GRM1: variants seen among roughly 807,000 people sequenced by gnomAD.
GRM1 encodes the protein glutamate metabotropic receptor 1, also known as metabotropic glutamate receptor 1.
GRM1 carries 33 observed loss-of-function variants against 90.9 expected under a neutral mutation model. That is an observed-to-expected ratio of 0.36 (90% CI 0.28 to 0.49). GRM1 has a LOEUF of 0.49. GRM1 is among the 20% of genes least tolerant of loss of function. GRM1 has a pLI of 0.99. For missense variants in GRM1, 1,190 were observed against 1,534.3 expected, an observed-to-expected ratio of 0.78 and a Z score of 3.75; for synonymous variants, 700 against 613.2, an observed-to-expected ratio of 1.14 and a Z score of -2.09.
chr6:146,094,343 C>G (rs1356843950), intron 1 of GRM1, among the ~76,000 whole-genome samples: 9 of 151,996 alleles, frequency 5.9e-5, no homozygotes, highest in Admixed American at 5.9e-4. Context: ...ACCAGTAGTC[C>G]TGGTCAGGGG....
intron 2 of GRM1, among the ~76,000 whole-genome samples, chr6:146,196,793 C>T (rs1457972158): frequency 6.6e-6 from 1 of 151,978 alleles, no homozygotes; most frequent in Non-Finnish European, 1.5e-5. Context: ...TGTTTAAGAG[C>T]CAGTGGTTTC....
chr6:146,154,048 T>C (rs1329393862), intron 1 of GRM1, among the ~76,000 whole-genome samples: 1 of 152,222 alleles, frequency 6.6e-6, no homozygotes. Context: ...TCCTTGTCTA[T>C]AAGCTGATCT....
At chr6:146,267,548 A>G (rs1781938346) in intron 2 of GRM1, among the ~76,000 whole-genome samples, 1 of 151,820 alleles carries the variant, frequency 6.6e-6, no homozygotes. Context: ...CTGAGTCCCA[A>G]AACTGAAGAA....
In GRM1 at chr6:146,159,812, G is replaced by A. The variant is rs528800868; in HGVS notation, c.950+215G>A. On this transcript the variant is annotated intron_variant, in intron 2 of 7. Coordinates refer to ENST00000282753, the MANE Select transcript of GRM1 (RefSeq NM_001278064.2). Reference sequence around the variant, plus strand: ...TTCCTGCTAAACAACAGCAGAACAAGGCTCAGGAGGGAGGATTGGTTAAGC... The same window carrying A: ...TTCCTGCTAAACAACAGCAGAACAAAGCTCAGGAGGGAGGATTGGTTAAGC... The A allele has an allele frequency of 2.6e-5, 14 of 534,340 alleles. No homozygotes were observed. The East Asian group carries it at 4.7e-4, about 18-fold the overall frequency. 33.1% of individuals were successfully genotyped at this position (534,340 alleles called of 1,614,324 possible). A position where few individuals can be genotyped will look rare whatever the true frequency, so the allele number is the denominator to read the frequency against.
chr6:146,349,952 A>G (rs1183450887), intron 3 of GRM1, among the ~76,000 whole-genome samples: 2 of 152,198 alleles, frequency 1.3e-5, no homozygotes, highest in Admixed American at 1.3e-4. Context: ...AAGGCACCTG[A>G]CTTAAGAGAG....
At chr6:146,351,221 A>G (rs971032413) in intron 3 of GRM1, among the ~76,000 whole-genome samples, 1 of 152,146 alleles carries the variant, frequency 6.6e-6, no homozygotes, top group Non-Finnish European at 1.5e-5. Context: ...TCAACCCCAT[A>G]TGCAGCTAAA....
At chr6:146,343,658 T>TTTATTATTATTATTATTATTATTATTA (rs58070198) in intron 3 of GRM1, among the ~76,000 whole-genome samples, 7 of 148,396 alleles carry the variant, frequency 4.7e-5, no homozygotes, top group African/African-American at 1.8e-4. Context: ...GTTGTTTTTA[T>TTTATTATTATTATTATTATTATTATTA]TTATTATTAT....
At chr6:146,323,905 T>A (rs531672878) in intron 3 of GRM1, among the ~76,000 whole-genome samples, 9 of 152,338 alleles carry the variant, frequency 5.9e-5, no homozygotes, top group African/African-American at 2.2e-4. Flanking sequence ...TAGTTGTAGA[T>A]ATGTGGCATT....
rs1298777355 is a variant in GRM1, at chr6:146,399,669, G to A, written c.2630G>A (p.Arg877Gln). The A allele has an allele frequency of 5.0e-6, 8 of 1,613,182 alleles. No individual in the cohort carries two copies. Among genetic ancestry groups the A allele is most frequent in the Admixed American group, 3.3e-5 (2 of 59,980 alleles). Residue 877 changes from arginine (R) to glutamine (Q), a missense_variant, in exon 7 of 8, where the codon CGA becomes CAA. Coordinates refer to ENST00000282753, the MANE Select transcript of GRM1 (RefSeq NM_001278064.2). The surrounding 1 kb of genome is among the most constrained non-coding windows in gnomAD (Gnocchi z 5.4). Reference protein sequence around the residue: ...CRSNTFLNIFRRKKAGAGNAN... With the variant: ...CRSNTFLNIFQRKKAGAGNAN... ...TCCAACACTTTCCTCAACATCTTCCGAAGAAAGAAGGCAGGGGCAGGGAAT... is the reference window on the plus strand; with the variant it reads ...TCCAACACTTTCCTCAACATCTTCCAAAGAAAGAAGGCAGGGGCAGGGAAT...
At chr6:146,348,661 A>T (rs202044058) in intron 3 of GRM1, among the ~76,000 whole-genome samples, 1 of 152,236 alleles carries the variant, frequency 6.6e-6, no homozygotes, top group East Asian at 1.9e-4. Context: ...TCTCTATATG[A>T]CACTGACAGA....
At chr6:146,402,777 C>T (rs962505415) in intron 7 of GRM1, among the ~76,000 whole-genome samples, 6 of 152,124 alleles carry the variant, frequency 3.9e-5, no homozygotes, top group Admixed American at 1.3e-4. Flanking sequence ...AATGATGTTG[C>T]GTTGTCTGTT....
At chr6:146,141,743 T>A (rs1162390896) in intron 1 of GRM1, among the ~76,000 whole-genome samples, 4 of 152,172 alleles carry the variant, frequency 2.6e-5, no homozygotes, top group Non-Finnish European at 5.9e-5. Flanking sequence ...TTTAATTATT[T>A]CAATCAGTTT....
intron 7 of GRM1, among the ~76,000 whole-genome samples, chr6:146,416,395 AT>A (rs752877050): frequency 9.2e-5 from 14 of 151,796 alleles, no homozygotes; most frequent in Admixed American, 4.6e-4. Context: ...TTCTTTTATT[AT>A]TTTTTATGGT....
chr6:146,321,405 G>A (rs1033835477), intron 3 of GRM1, among the ~76,000 whole-genome samples: 2 of 152,166 alleles, frequency 1.3e-5, no homozygotes, highest in African/African-American at 2.4e-5. Context: ...GTCAATTTTA[G>A]AATAAGTGCG....
In GRM1 at chr6:146,393,256, C is replaced by G. The variant is rs542953276; in HGVS notation, c.1730-5513C>G. 4.6e-5 allele frequency among the ~76,000 whole-genome samples: 7 copies of G among 152,088 alleles called. No individual in the cohort carries two copies. In the South Asian group the frequency reaches 1.4e-3, roughly 31 times the overall value. On this transcript the variant is annotated intron_variant, in intron 6 of 7. Coordinates refer to ENST00000282753, the MANE Select transcript of GRM1 (RefSeq NM_001278064.2). ...TGGCATGAGATGGTGTCTCGTTGTG[C>G]TTTTGATTTGCATTTCTCTAATGAC...
At chr6:146,304,359 C>A (rs1332778228) in intron 2 of GRM1, among the ~76,000 whole-genome samples, 1 of 152,114 alleles carries the variant, frequency 6.6e-6, no homozygotes, top group African/African-American at 2.4e-5. Flanking sequence ...GAATACTCAT[C>A]GAACTTTAAT....
At chr6:146,317,139 A>G (rs1259238682) in intron 3 of GRM1, among the ~76,000 whole-genome samples, 1 of 152,136 alleles carries the variant, frequency 6.6e-6, no homozygotes, top group East Asian at 1.9e-4. Flanking sequence ...ATGTGTGCCA[A>G]ATTATTATTT....
chr6:146,132,556 A>G (rs1776446638), intron 1 of GRM1, among the ~76,000 whole-genome samples: 1 of 152,176 alleles, frequency 6.6e-6, no homozygotes, highest in South Asian at 2.1e-4. Flanking sequence ...ATTGTCCCAC[A>G]TTTTATTGTG....
chr6:146,382,644 A>G (rs560920157), intron 5 of GRM1, among the ~76,000 whole-genome samples: 5 of 152,306 alleles, frequency 3.3e-5, no homozygotes, highest in African/African-American at 1.2e-4. Context: ...AATTAATAAC[A>G]GACAAAGTCA....
Sources: gnomAD v4.1 joint callset for allele counts (sites outside exome capture counted in the v4.1 genomes callset) on GRCh38, gnomAD v4.1.1 for gene constraint, Gnocchi (gnomAD v3.1) non-coding constraint, MANE v1.5 for transcripts, NCBI Gene and HGNC (gene_info 2026-07-23, HGNC 2026-07-21) for gene names.